The following RARB variants were observed in gnomAD, a reference collection of about 807,000 sequenced individuals.
RARB encodes the protein HBV-activated protein.
In RARB, 17 loss-of-function variants were observed where a neutral mutation model predicts 51.9. That is an observed-to-expected ratio of 0.33 (90% CI 0.22 to 0.49). The LOEUF is 0.49. Ranked by LOEUF, RARB falls within the 20% of genes least tolerant of loss-of-function variation. RARB has a pLI of 0.99. For synonymous variants in RARB, 215 were observed against 195.4 expected (o/e 1.10, Z -0.84); for missense variants, 369 against 550.8 (o/e 0.67, Z 3.30).
intron 5 of RARB, among the ~76,000 whole-genome samples, chr3:25,381,456 GATAAT>G (rs1386027267): frequency 2.0e-5 from 3 of 152,162 alleles, no homozygotes; most frequent in South Asian, 2.1e-4. Context: ...GTCAAATAAA[GATAAT>G]ATAATATAAC....
At chr3:24,941,069 A>G (rs1255008542) in intron 2 of RARB, among the ~76,000 whole-genome samples, 2 of 152,032 alleles carry the variant, frequency 1.3e-5, no homozygotes, top group Non-Finnish European at 2.9e-5. Flanking sequence ...GTAGGGGGAA[A>G]TTTTTATTGT....
chr3:24,893,784 C>CA (rs939056495), intron 2 of RARB, among the ~76,000 whole-genome samples: 3 of 151,974 alleles, frequency 2.0e-5, no homozygotes, highest in Admixed American at 6.6e-5. Flanking sequence ...CTTAGTCTCC[C>CA]AAAGTACTGG....
intron 2 of RARB, among the ~76,000 whole-genome samples, chr3:24,976,984 G>A (rs974987660): frequency 3.3e-5 from 5 of 152,174 alleles, no homozygotes; most frequent in African/African-American, 1.2e-4. Flanking sequence ...CATATGGTTA[G>A]CCAGTTTTCC....
intron 5 of RARB, among the ~76,000 whole-genome samples, chr3:25,245,397 G>A (rs1247131274): frequency 6.6e-6 from 1 of 152,094 alleles, no homozygotes; most frequent in African/African-American, 2.4e-5. Flanking sequence ...TCTTCATAGT[G>A]TTGATGGCCT....
At chr3:25,147,132 G>T (rs966203614) in intron 4 of RARB, among the ~76,000 whole-genome samples, 6 of 152,036 alleles carry the variant, frequency 3.9e-5, no homozygotes, top group African/African-American at 1.4e-4. Flanking sequence ...ATTCATTGGG[G>T]GACACAATTT....
intron 5 of RARB, among the ~76,000 whole-genome samples, chr3:25,199,177 A>T (rs1175668251): frequency 1.3e-5 from 2 of 152,110 alleles, no homozygotes; most frequent in Non-Finnish European, 2.9e-5. Context: ...CATTATGTTA[A>T]GTGAAATAAG....
intron 5 of RARB, among the ~76,000 whole-genome samples, chr3:25,259,672 T>A (rs1201186929): frequency 6.6e-6 from 1 of 152,194 alleles, no homozygotes; most frequent in East Asian, 1.9e-4. Context: ...AGTATGAGTA[T>A]AACTAATTCA....
intron 2 of RARB, among the ~76,000 whole-genome samples, chr3:25,473,182 CT>C (rs1695782935): frequency 6.6e-6 from 1 of 151,998 alleles, no homozygotes; most frequent in Non-Finnish European, 1.5e-5. Context: ...GGAACTATGT[CT>C]TTTTGTTGTT....
chr3:25,003,095 C>T (rs1271524337), intron 2 of RARB, among the ~76,000 whole-genome samples: 1 of 151,776 alleles, frequency 6.6e-6, no homozygotes, highest in East Asian at 1.9e-4. Context: ...TGAATGGTGG[C>T]CATCCTTGAT....
At chr3:25,081,619 ATATT>A (rs1475691058) in intron 3 of RARB, among the ~76,000 whole-genome samples, 2 of 9,258 alleles carry the variant, frequency 2.2e-4, no homozygotes, top group African/African-American at 1.0e-3. Context: ...ATATATATAT[ATATT>A]TTTTTTTTTT....
chr3:25,559,012 G>A (rs1472655317), intron 3 of RARB, among the ~76,000 whole-genome samples: 2 of 152,086 alleles, frequency 1.3e-5, no homozygotes, highest in African/African-American at 2.4e-5. Context: ...CAAACATGAT[G>A]TAGTCATTCT....
Position 25,138,178 on chromosome 3 carries a change from A to G in RARB, c.-280+5970A>G, listed in dbSNP as rs185251673. Reference sequence around the variant, plus strand: ...ATTCCCCAACATCTGGCGTGGCCCAATAGTCACAAAGTGATTGGAGACTTT... The same window carrying G: ...ATTCCCCAACATCTGGCGTGGCCCAGTAGTCACAAAGTGATTGGAGACTTT... On this transcript the variant is annotated intron_variant, in intron 4 of 11. Coordinates refer to the RARB transcript ENST00000383772. Among the ~76,000 whole-genome samples, 33 of 152,284 alleles carry G rather than the reference A, an allele frequency of 2.2e-4. No homozygotes were observed. In the East Asian group the frequency reaches 5.0e-3, roughly 23 times the overall value.
chr3:25,049,933 T>C (rs1257850874), intron 2 of RARB, among the ~76,000 whole-genome samples: 1 of 152,192 alleles, frequency 6.6e-6, no homozygotes, highest in Non-Finnish European at 1.5e-5. Context: ...GAAAGACACG[T>C]AGACGGGTAG....
chr3:25,154,733 T>C (rs1700346718), intron 4 of RARB, among the ~76,000 whole-genome samples: 1 of 152,194 alleles, frequency 6.6e-6, no homozygotes, highest in Non-Finnish European at 1.5e-5. Context: ...AGTTTACATT[T>C]TCTATATTTT....
At chr3:25,192,917 T>A (rs1166722153) in intron 5 of RARB, among the ~76,000 whole-genome samples, 1 of 152,044 alleles carries the variant, frequency 6.6e-6, no homozygotes, top group African/African-American at 2.4e-5. Context: ...GCTCTTAGAA[T>A]GTACATCTGT....
intron 5 of RARB, among the ~76,000 whole-genome samples, chr3:25,193,349 A>G (rs923503122): frequency 6.6e-6 from 1 of 152,008 alleles, no homozygotes; most frequent in African/African-American, 2.4e-5. Context: ...ATGCAGAGGA[A>G]GTCTGTTAAA....
chr3:24,937,880 G>A (rs73820322), intron 2 of RARB, among the ~76,000 whole-genome samples: 3,548 of 152,034 alleles, frequency 0.023, 138 homozygotes, highest in African/African-American at 0.078. Context: ...GAGAAATCCG[G>A]AAAAAACAAA....
chr3:25,518,843 A>C (rs925626235), intron 3 of RARB, among the ~76,000 whole-genome samples: 1 of 152,194 alleles, frequency 6.6e-6, no homozygotes, highest in Non-Finnish European at 1.5e-5. Context: ...TGTACTGTTT[A>C]GTAAGTTTTG....
At chr3:24,964,086 G>A (rs1019259872) in intron 2 of RARB, among the ~76,000 whole-genome samples, 3 of 151,980 alleles carry the variant, frequency 2.0e-5, no homozygotes, top group Non-Finnish European at 2.9e-5. Context: ...GATTGCCAAA[G>A]TCCTTTCAAG....
Sources: allele counts gnomAD v4.1 joint callset (sites outside exome capture counted in the v4.1 genomes callset), GRCh38; gene constraint gnomAD v4.1.1; transcripts MANE v1.5; gene names NCBI Gene and HGNC (gene_info 2026-07-23, HGNC 2026-07-21).